Variants in PALB2 observed in about 807,000 individuals in gnomAD.
The protein encoded by PALB2 is partner and localizer of BRCA2.
PALB2 carries 82 observed loss-of-function variants against 107.4 expected under a neutral mutation model. That is an observed-to-expected ratio of 0.76 (90% CI 0.64 to 0.92). PALB2 has a LOEUF of 0.92. Among genes scored for constraint, PALB2 ranks in the 40% least tolerant of loss-of-function variants. PALB2 has a pLI of 0.00. For synonymous variants in PALB2, 489 were observed against 496.8 expected, an observed-to-expected ratio of 0.98 and a Z score of 0.21; for missense variants, 1,374 against 1,379.9, an observed-to-expected ratio of 1.00 and a Z score of 0.07.
chr16:23,619,415 T>G, intron 10 of PALB2, among the ~76,000 whole-genome samples: 1 of 152,106 alleles, frequency 6.6e-6, no homozygotes, highest in Non-Finnish European at 1.5e-5. Context: ...TGGCGCGATC[T>G]CGGCTCACTG....
intron 7 of PALB2, 90 bp downstream of exon 7, chr16:23,626,145 TG>T: frequency 1.4e-6 from 2 of 1,430,734 alleles, no homozygotes; most frequent in Non-Finnish European, 2.0e-6. Context: ...CTGCCTTGCA[TG>T]GTCATAGCTC....
rs1359903430 is a variant in PALB2, at chr16:23,641,197, C to A, written c.-40G>T. ...AACGAAAAGAGCAGCCGTCGCCGACCCCAGGCCTGCCGACACCGGGACCCA... is the reference window on the plus strand; with the variant it reads ...AACGAAAAGAGCAGCCGTCGCCGACACCAGGCCTGCCGACACCGGGACCCA... On this transcript the variant is annotated 5_prime_UTR_variant, in exon 1 of 13. Transcript: ENST00000261584. 6.2e-7 allele frequency: 1 copy of A among 1,603,178 alleles called. No homozygotes were observed. The highest frequency in any genetic ancestry group is 8.5e-7 in the Non-Finnish European group (1 of 1,175,672).
intron 3 of PALB2, among the ~76,000 whole-genome samples, chr16:23,637,524 G>A (rs529430789): frequency 6.6e-6 from 1 of 152,074 alleles, no homozygotes; most frequent in African/African-American, 2.4e-5. Context: ...CCAACATGGC[G>A]AAACCCCATC....
intron 12 of PALB2, 120 bp downstream of exon 12, chr16:23,607,744 A>AT (rs1966502780): frequency 1.7e-6 from 2 of 1,204,370 alleles, no homozygotes; most frequent in Non-Finnish European, 2.4e-6. Context: ...TATTCCTATC[A>AT]TGATATATAG....
intron 6 of PALB2, among the ~76,000 whole-genome samples, chr16:23,627,284 G>A (rs571734936): frequency 4.2e-4 from 64 of 151,584 alleles, no homozygotes; most frequent in Non-Finnish European, 8.1e-4. Flanking sequence ...TCAGGAGATC[G>A]AGACCATCCT....
At position 23,635,006 on chromosome 16, in the gene PALB2, C is replaced by T. The variant is rs756778249; in HGVS notation, c.1540G>A (p.Gly514Arg). The T allele has an allele frequency of 2.5e-5, 41 of 1,613,962 alleles. No homozygotes were observed. The Admixed American group carries it at 4.5e-4, about 18-fold the overall frequency. Residue 514 changes from glycine to arginine, a missense_variant, in exon 4 of 13, where the codon GGA becomes AGA. By Grantham distance (125) the Gly-to-Arg change is moderately radical (BLOSUM62 -2). Transcript: ENST00000261584. ...VAQAPGRRYT[G>R]KRKSACTPAS... ...GGGGTGCAGGCTGATTTTCTTTTTCCTGTGTATCTTCTACCAGGTGCTTGG... is the reference window on the plus strand; with the variant it reads ...GGGGTGCAGGCTGATTTTCTTTTTCTTGTGTATCTTCTACCAGGTGCTTGG...
chr16:23,619,122 T>C (rs1597077666), intron 10 of PALB2, among the ~76,000 whole-genome samples: 1 of 152,176 alleles, frequency 6.6e-6, no homozygotes, highest in African/African-American at 2.4e-5. Context: ...CACACTAATA[T>C]AACTTCCTCT....
intron 10 of PALB2, among the ~76,000 whole-genome samples, chr16:23,619,777 A>T (rs914762933): frequency 1.3e-5 from 2 of 151,952 alleles, no homozygotes; most frequent in Non-Finnish European, 2.9e-5. Flanking sequence ...ATTGACTTTT[A>T]AAAAATTATT....
chr16:23,608,765 C>A (rs1207002271), intron 11 of PALB2, among the ~76,000 whole-genome samples: 1 of 145,074 alleles, frequency 6.9e-6, no homozygotes, highest in Admixed American at 6.8e-5. Context: ...AAATTACAGG[C>A]TCTAATAATA....
chr16:23,613,441 C>T (rs894613911), intron 11 of PALB2, among the ~76,000 whole-genome samples: 4 of 151,924 alleles, frequency 2.6e-5, no homozygotes, highest in African/African-American at 9.7e-5. Context: ...GTCAGGAGTT[C>T]GAGACAAGCC....
Position 23,641,118 on chromosome 16 carries a change from TCTC to T in PALB2, c.37_39del (p.Glu13del), listed in dbSNP as rs745444171. The T allele has an allele frequency of 2.5e-6, 4 of 1,613,264 alleles. No homozygotes were observed. Among genetic ancestry groups the T allele is most frequent in the African/African-American group, 2.7e-5 (2 of 74,826 alleles). On this transcript the variant is annotated inframe_deletion, in exon 1 of 13. Transcript: ENST00000261584. ...TCCCGCACCCCCGGCACCTTTTCCT[TCTC>T]CTCACAGCTGAGGGGCTTCCCGGGA... is the stretch of plus-strand genomic sequence containing the variant.
At chr16:23,629,520 GAA>G in intron 5 of PALB2, 118 bp downstream of exon 5, 1 of 1,041,556 alleles carries the variant, frequency 9.6e-7, no homozygotes, top group South Asian at 1.3e-5. Context: ...TCATATCAAA[GAA>G]ACACGTCAAA....
In PALB2 at chr16:23,603,411, T is replaced by G; in HGVS notation, c.*48A>C. ...TTATATTTAAAACTCCAAAAAATAC[T>G]AAGAGGCCCAATATATCCAGAAAAT... On this transcript the variant is annotated 3_prime_UTR_variant, in exon 13 of 13. Coordinates refer to ENST00000261584, the MANE Select transcript of PALB2 (RefSeq NM_024675.4). 2.0e-6 allele frequency: 3 copies of G among 1,479,488 alleles called. No homozygotes were observed. The highest frequency in any genetic ancestry group is 2.8e-6 in the Non-Finnish European group (3 of 1,058,398). 91.6% of individuals were successfully genotyped at this position (1,479,488 alleles called of 1,614,324 possible).
chr16:23,622,804 C>A (rs1374488428), intron 9 of PALB2, among the ~76,000 whole-genome samples, 165 bp downstream of exon 9: 2 of 152,176 alleles, frequency 1.3e-5, no homozygotes, highest in African/African-American at 2.4e-5. Context: ...CTGGCTTCCA[C>A]CTCACTAACC....
intron 8 of PALB2, 70 bp downstream of exon 8, chr16:23,623,939 C>CAG: frequency 9.9e-7 from 1 of 1,010,124 alleles, no homozygotes; most frequent in Non-Finnish European, 1.6e-6. Context: ...TAGGTTATTA[C>CAG]CTGCACTTAA....
chr16:23,620,450 CT>C (rs540589140), intron 10 of PALB2, among the ~76,000 whole-genome samples: 4 of 152,280 alleles, frequency 2.6e-5, no homozygotes, highest in Non-Finnish European at 5.9e-5. Context: ...GCCTTGCCCC[CT>C]AGCTTAAAGC....
In PALB2 at chr16:23,607,962, C is replaced by T. The variant is rs141570833; in HGVS notation, c.3252G>A (p.Ser1084=). The T allele has an allele frequency of 3.3e-5, 53 of 1,613,934 alleles. No individual in the cohort carries two copies. The highest frequency in any genetic ancestry group is 4.2e-5 in the Non-Finnish European group (49 of 1,179,978). Residue 1084 remains serine, a synonymous_variant, in exon 12 of 13, where the codon TCG becomes TCA. Coordinates refer to ENST00000261584, the MANE Select transcript of PALB2 (RefSeq NM_024675.4). The part of the protein sequence containing the change: ...LSHPCAKESE[S]LRSPVFQLIV... ...TGAGCTGAAACACAGGGCTTCGCAA[C>T]GACTCACTCTCTTTGGCACAGGGAT... is the stretch of plus-strand genomic sequence containing the variant.
chr16:23,613,600 C>T (rs990194316), intron 11 of PALB2, among the ~76,000 whole-genome samples: 8 of 151,514 alleles, frequency 5.3e-5, no homozygotes, highest in African/African-American at 9.7e-5. Flanking sequence ...GCTGAGATCG[C>T]GCCATTGCAC....
intron 11 of PALB2, among the ~76,000 whole-genome samples, chr16:23,611,194 G>C (rs865851483): frequency 7.2e-5 from 11 of 152,096 alleles, no homozygotes; most frequent in Admixed American, 3.3e-4. Context: ...GCCCAGGCTA[G>C]AGTGCAATGG....
Sources: gnomAD v4.1 joint callset for allele counts (sites outside exome capture counted in the v4.1 genomes callset) on GRCh38, gnomAD v4.1.1 for gene constraint, MANE v1.5 for transcripts, NCBI Gene and HGNC (gene_info 2026-07-23, HGNC 2026-07-21) for gene names.